The following NPAS3 variants were observed in gnomAD, a reference collection of about 807,000 sequenced individuals.
NPAS3 encodes neuronal PAS domain protein 3, also known as neuronal PAS domain-containing protein 3.
NPAS3 carries 14 observed loss-of-function variants against 73.1 expected under a neutral mutation model. The observed-to-expected ratio is 0.19, with a 90% confidence interval of 0.13 to 0.30. The LOEUF (loss-of-function observed/expected upper bound fraction) is 0.30, where lower values mean the gene tolerates loss of function less well. NPAS3 is among the 10% of genes least tolerant of loss of function. NPAS3 has a pLI of 1.00. For synonymous variants in NPAS3, 620 were observed against 541.5 expected (o/e 1.14, Z -2.01); for missense variants, 1,096 against 1,250.0 (o/e 0.88, Z 1.86).
intron 2 of NPAS3, among the ~76,000 whole-genome samples, chr14:33,061,337 T>C (rs1439606075): frequency 2.0e-5 from 3 of 152,186 alleles, no homozygotes; most frequent in Non-Finnish European, 4.4e-5. Context: ...TTAGGATCAG[T>C]AAATAACAAA....
chr14:33,675,430 C>T (rs2059733549), intron 5 of NPAS3, among the ~76,000 whole-genome samples: 1 of 152,156 alleles, frequency 6.6e-6, no homozygotes, highest in African/African-American at 2.4e-5. Flanking sequence ...GATATTCATT[C>T]TCTGCCTTTA....
At chr14:33,291,512 C>T (rs1009296173) in intron 3 of NPAS3, among the ~76,000 whole-genome samples, 12 of 151,978 alleles carry the variant, frequency 7.9e-5, no homozygotes, top group Admixed American at 6.6e-5. Flanking sequence ...GCTTCAGCCT[C>T]AAGATGAGGA....
Position 33,800,063 on chromosome 14 carries a change from G to T in NPAS3, c.1756G>T (p.Ala586Ser). The T allele has an allele frequency of 6.2e-7, 1 of 1,603,524 alleles. No individual in the cohort carries two copies. The highest frequency in any genetic ancestry group is 8.5e-7 in the Non-Finnish European group (1 of 1,177,794). The change falls in exon 12 of 12, where the codon GCA becomes TCA. Residue 586 changes from alanine to serine, a missense_variant. Around this residue, in one of 5 missense-constraint regions of NPAS3, gnomAD observed 698 missense variants for 676.7 expected, o/e 1.03. Coordinates refer to ENST00000356141, the Ensembl canonical transcript of NPAS3. The surrounding 1 kb of genome is among the most constrained non-coding windows in gnomAD (Gnocchi z 6.5). ...CGACAGCGCCAAGGACTCGGACAGC[G>T]CAGGCGAGGCGGGCGCGCAGGCCTC...
chr14:33,214,296 C>T (rs897274499), intron 2 of NPAS3: 10 of 152,176 alleles, frequency 6.6e-5, no homozygotes, highest in African/African-American at 2.4e-4. Context: ...ATTCTGCCCT[C>T]AGCAATGTGA....
At chr14:33,542,440 C>T (rs1257612525) in intron 4 of NPAS3, among the ~76,000 whole-genome samples, 1 of 152,156 alleles carries the variant, frequency 6.6e-6, no homozygotes, top group Non-Finnish European at 1.5e-5. Flanking sequence ...AGACAAGCCT[C>T]CTGTGTGTTC....
At chr14:33,191,710 A>G (rs1230015634) in intron 2 of NPAS3, among the ~76,000 whole-genome samples, 1 of 152,248 alleles carries the variant, frequency 6.6e-6, no homozygotes, top group East Asian at 1.9e-4. Context: ...CTGAATTAAA[A>G]TTATTCTTAG....
At chr14:33,499,451 T>A (rs1012984793) in intron 4 of NPAS3, among the ~76,000 whole-genome samples, 3 of 151,916 alleles carry the variant, frequency 2.0e-5, no homozygotes, top group Non-Finnish European at 4.4e-5. Context: ...TATCATTTCC[T>A]TAGAAATGAT....
chr14:33,051,251 G>A (rs1170661617), intron 1 of NPAS3, among the ~76,000 whole-genome samples: 4 of 139,294 alleles, frequency 2.9e-5, no homozygotes, highest in South Asian at 2.3e-4. Flanking sequence ...TCCGCAGTCC[G>A]GCCTGGGCAA....
chr14:33,203,480 C>G (rs1006243339), intron 2 of NPAS3, among the ~76,000 whole-genome samples: 11 of 152,086 alleles, frequency 7.2e-5, no homozygotes, highest in African/African-American at 2.7e-4. Flanking sequence ...ACTCCCCACA[C>G]CCCACAACAG....
chr14:33,651,227 C>T (rs1017605125), intron 5 of NPAS3, among the ~76,000 whole-genome samples: 1 of 152,194 alleles, frequency 6.6e-6, no homozygotes, highest in Non-Finnish European at 1.5e-5. Flanking sequence ...GTGCTGCACT[C>T]TGCCTTTGTA....
chr14:33,696,399 C>T (rs978690170), intron 6 of NPAS3, among the ~76,000 whole-genome samples: 8 of 152,140 alleles, frequency 5.3e-5, no homozygotes, highest in Admixed American at 2.0e-4. Flanking sequence ...CAAAATGAAA[C>T]GAGTATTTAT....
chr14:33,645,406 AATAAAGGAAAATCTGT>A (rs544498237), intron 5 of NPAS3, among the ~76,000 whole-genome samples: 29 of 152,344 alleles, frequency 1.9e-4, no homozygotes, highest in African/African-American at 6.5e-4. Flanking sequence ...AATTCATCAA[AATAAAGGAAAATCTGT>A]AATCAATGAA....
chr14:33,307,332 T>A (rs1227168193), intron 3 of NPAS3, among the ~76,000 whole-genome samples: 1 of 152,190 alleles, frequency 6.6e-6, no homozygotes, highest in African/African-American at 2.4e-5. Flanking sequence ...AGTAAAATAA[T>A]TCCATTACCT....
intron 6 of NPAS3, among the ~76,000 whole-genome samples, chr14:33,733,908 C>T (rs895040178): frequency 1.2e-4 from 18 of 152,048 alleles, no homozygotes; most frequent in Non-Finnish European, 2.6e-4. Flanking sequence ...AGAAGAAAAG[C>T]CCCAGACCAC....
chr14:32,970,488 T>C (rs2037373330), intron 1 of NPAS3, among the ~76,000 whole-genome samples: 1 of 152,148 alleles, frequency 6.6e-6, no homozygotes, highest in Non-Finnish European at 1.5e-5. Flanking sequence ...AACACACAAA[T>C]ATAGTTTAAA....
intron 3 of NPAS3, among the ~76,000 whole-genome samples, chr14:33,361,899 G>T (rs866207138): frequency 6.6e-6 from 1 of 151,988 alleles, no homozygotes; most frequent in African/African-American, 2.4e-5. Context: ...TTAACAATGC[G>T]TGTCCCTATT....
chr14:32,945,602 C>T (rs1024998858), intron 1 of NPAS3, among the ~76,000 whole-genome samples: 6 of 152,126 alleles, frequency 3.9e-5, no homozygotes, highest in Admixed American at 2.6e-4. Flanking sequence ...ACCTTAACAC[C>T]AGTGTGGAAG....
intron 1 of NPAS3, among the ~76,000 whole-genome samples, chr14:33,038,836 A>T (rs1490209563): frequency 6.6e-6 from 1 of 152,206 alleles, no homozygotes; most frequent in African/African-American, 2.4e-5. Flanking sequence ...GCAGTATACA[A>T]GGTCATTGTT....
At chr14:33,382,151 A>G (rs1326573286) in intron 4 of NPAS3, among the ~76,000 whole-genome samples, 1 of 152,170 alleles carries the variant, frequency 6.6e-6, no homozygotes, top group Non-Finnish European at 1.5e-5. Context: ...TGTCATGCCT[A>G]ACATGAAAAC....
Sources: allele counts gnomAD v4.1 joint callset (sites outside exome capture counted in the v4.1 genomes callset), GRCh38; gene constraint gnomAD v4.1.1; regional missense constraint gnomAD v4.1.1; non-coding constraint Gnocchi (gnomAD v3.1); transcripts MANE v1.5; gene names NCBI Gene and HGNC (gene_info 2026-07-23, HGNC 2026-07-21).